WDFY1: variants seen among roughly 807,000 people sequenced by gnomAD.
WDFY1 encodes the protein WD repeat and FYVE domain containing 1.
Under a neutral mutation model 56.4 loss-of-function variants are expected in WDFY1, and 32 were observed. The ratio of observed to expected loss-of-function variants is 0.57; its 90% confidence interval spans 0.43 to 0.76. The LOEUF (loss-of-function observed/expected upper bound fraction) is 0.76, where lower values mean the gene tolerates loss of function less well. Ranked by LOEUF, WDFY1 falls within the 30% of genes least tolerant of loss-of-function variation. The pLI is 0.00. For missense variants in WDFY1, 480 were observed against 545.7 expected (o/e 0.88, Z 1.20); for synonymous variants, 192 against 197.3 (o/e 0.97, Z 0.23).
At position 223,877,168 on chromosome 2, in the gene WDFY1, AT is replaced by A. The variant is rs1282002311; in HGVS notation, c.*1502del. The stretch of plus-strand genomic sequence containing the variant: ...ACGTGTGTCACACAGCCATTAAGAC[AT>A]TTTAGTTTGATCGCCTCCTTAAACC... On this transcript the variant is annotated 3_prime_UTR_variant, in exon 12 of 12. Coordinates refer to ENST00000233055, the MANE Select transcript of WDFY1 (RefSeq NM_020830.5). The A allele has an allele frequency of 1.3e-5, 2 of 152,154 alleles. No homozygotes were observed. The highest frequency in any genetic ancestry group is 2.4e-5 in the African/African-American group (1 of 41,434). The allele number at this position is 152,154 out of a possible 1,614,324, so 9.4% of individuals were successfully genotyped here.
chr2:223,943,895 C>A (rs1689356533), intron 1 of WDFY1, among the ~76,000 whole-genome samples: 1 of 152,192 alleles, frequency 6.6e-6, no homozygotes, highest in East Asian at 1.9e-4. Context: ...AAACTGGACC[C>A]AATCAGTGTT....
chr2:223,935,310 G>A (rs975342831), intron 1 of WDFY1, among the ~76,000 whole-genome samples: 2 of 152,194 alleles, frequency 1.3e-5, no homozygotes, highest in South Asian at 2.1e-4. Context: ...GTGATCTGCT[G>A]TAGATTCACC....
intron 8 of WDFY1, among the ~76,000 whole-genome samples, chr2:223,890,598 A>G (rs1261009480): frequency 6.6e-6 from 1 of 152,160 alleles, no homozygotes; most frequent in Non-Finnish European, 1.5e-5. Context: ...ATCTAAGAAG[A>G]AGCTTTCGTT....
rs1253420144 is a variant in WDFY1 at position 223,944,975 on chromosome 2, G to C, written c.137+173C>G. 2.6e-5 allele frequency among the ~76,000 whole-genome samples: 4 copies of C among 152,152 alleles called. No homozygotes were observed. In the South Asian group the frequency reaches 8.3e-4, roughly 32 times the overall value. Reference sequence around the variant, plus strand: ...TGGAAAGGTGCAAGTCGAGGCTGGAGGACCGGCGGGAGGGAACCGGGAACC... The same window carrying C: ...TGGAAAGGTGCAAGTCGAGGCTGGACGACCGGCGGGAGGGAACCGGGAACC... On this transcript the variant is annotated intron_variant, in intron 1 of 11. Coordinates refer to ENST00000233055, the MANE Select transcript of WDFY1 (RefSeq NM_020830.5).
intron 4 of WDFY1, 141 bp downstream of exon 4, chr2:223,905,806 A>G: frequency 5.7e-6 from 3 of 525,370 alleles, no homozygotes; most frequent in Non-Finnish European, 9.3e-6. Flanking sequence ...AAATATCACT[A>G]AAAGACAAGT....
chr2:223,896,155 C>CAAAAAAAAAAAAAAA lies in WDFY1; in HGVS notation c.599-540_599-526dup, dbSNP rs71058956. Among the ~76,000 whole-genome samples the CAAAAAAAAAAAAAAA allele has an allele frequency of 2.8e-3, 110 of 39,828 alleles. 8 individuals are homozygous for CAAAAAAAAAAAAAAA. The highest frequency in any genetic ancestry group is 3.6e-3 in the African/African-American group (34 of 9,474). The allele number at this position is 39,828 out of a possible 152,430, so 26.1% of individuals were successfully genotyped here. A position where few individuals can be genotyped will look rare whatever the true frequency, so the allele number is the denominator to read the frequency against. On this transcript the variant is annotated intron_variant, in intron 6 of 11. Coordinates refer to ENST00000233055, the MANE Select transcript of WDFY1 (RefSeq NM_020830.5). ...TGGGTGACAGAGTGAGACTCTGTCTCAAAAAAAAAAAAAAAAAAAAAAAAA... is the reference window on the plus strand; with the variant it reads ...TGGGTGACAGAGTGAGACTCTGTCTCAAAAAAAAAAAAAAAAAAAAAAAAAAAAAAAAAAAAAAAA...
At chr2:223,931,922 G>C (rs1413852327) in intron 1 of WDFY1, among the ~76,000 whole-genome samples, 1 of 151,880 alleles carries the variant, frequency 6.6e-6, no homozygotes, top group Non-Finnish European at 1.5e-5. Flanking sequence ...CTGGCCTCAA[G>C]TGGTCCACCT....
chr2:223,882,087 G>A lies in WDFY1; in HGVS notation c.934-15C>T, dbSNP rs780389787. On this transcript the variant is annotated splice_polypyrimidine_tract_variant and intron_variant, in intron 9 of 11. Transcript: ENST00000233055. Reference sequence around the variant, plus strand: ...CTGCAGTGATGCTTCACAGGTGACCGGGAGGAGGAAAACAGGGTGTTAGCT... The same window carrying A: ...CTGCAGTGATGCTTCACAGGTGACCAGGAGGAGGAAAACAGGGTGTTAGCT... 4.3e-5 allele frequency: 70 copies of A among 1,610,094 alleles called. No individual in the cohort carries two copies. Among genetic ancestry groups the A allele is most frequent in the Non-Finnish European group, 5.3e-5 (62 of 1,177,800 alleles).
chr2:223,944,892 G>A (rs997762483), intron 1 of WDFY1, among the ~76,000 whole-genome samples: 4 of 151,338 alleles, frequency 2.6e-5, no homozygotes, highest in African/African-American at 9.7e-5. Context: ...GGGCTGGAGG[G>A]GCGCGGTGGG....
At chr2:223,889,571 T>C (rs1693232403) in intron 8 of WDFY1, among the ~76,000 whole-genome samples, 1 of 152,322 alleles carries the variant, frequency 6.6e-6, no homozygotes, top group Admixed American at 6.5e-5. Context: ...ACATGCCCTC[T>C]TGCCTTCCAT....
chr2:223,894,476 G>T lies in WDFY1; in HGVS notation c.726-137C>A, dbSNP rs193225121. The T allele has an allele frequency of 1.7e-4, 129 of 765,084 alleles. No homozygotes were observed. In the East Asian group the frequency reaches 3.5e-3, roughly 21 times the overall value. The allele number at this position is 765,084 out of a possible 1,614,324, so 47.4% of individuals were successfully genotyped here. A position where few individuals can be genotyped will look rare whatever the true frequency, so the allele number is the denominator to read the frequency against. ...CACTGACTATTTAGCATGGTAAAATGAATTCTAGTATAAACTTTACTTGGC... is the reference window on the plus strand; with the variant it reads ...CACTGACTATTTAGCATGGTAAAATTAATTCTAGTATAAACTTTACTTGGC... On this transcript the variant is annotated intron_variant, in intron 7 of 11. Transcript: ENST00000233055.
rs768831905 is a variant in WDFY1 at position 223,945,316 on chromosome 2, C to CA, written c.-33dup. 2.6e-6 allele frequency: 4 copies of CA among 1,547,808 alleles called. No individual in the cohort carries two copies. Among genetic ancestry groups the CA allele is most frequent in the Non-Finnish European group, 3.5e-6 (4 of 1,156,062 alleles). On this transcript the variant is annotated 5_prime_UTR_variant, in exon 1 of 12. Coordinates refer to ENST00000233055, the MANE Select transcript of WDFY1 (RefSeq NM_020830.5). ...GCGGCGACTGCTGCGGCCTCCTCGG[C>CA]AGGCAGCCCATCAGCTGACGCCTGG...
In WDFY1 at chr2:223,912,279, C is replaced by T. The variant is rs1279534625; in HGVS notation, c.253G>A (p.Val85Met). ...AYHHDSRRIF[V>M]GQDNGAVMEF... Reference sequence around the variant, plus strand: ...ATTACAGCTCCATTATCCTGGCCCACAAATATCCGTCTGCTGTCATGATGG... The same window carrying T: ...ATTACAGCTCCATTATCCTGGCCCATAAATATCCGTCTGCTGTCATGATGG... Residue 85 changes from valine (V) to methionine (M), a missense_variant, in exon 3 of 12, where the codon GTG becomes ATG. Coordinates refer to ENST00000233055, the MANE Select transcript of WDFY1 (RefSeq NM_020830.5). 1 of 1,611,078 alleles carries T rather than the reference C, an allele frequency of 6.2e-7. No homozygotes were observed. Among genetic ancestry groups the T allele is most frequent in the Non-Finnish European group, 8.5e-7 (1 of 1,179,166 alleles).
chr2:223,936,679 G>A lies in WDFY1; in HGVS notation c.137+8469C>T, dbSNP rs753767424. ...TCTGGGACCTTGTTTATCCAGAGGG[G>A]ACCTCACCATTCCCTAACTCCTAAG... is the stretch of plus-strand genomic sequence containing the variant. On this transcript the variant is annotated intron_variant, in intron 1 of 11. Transcript: ENST00000233055. 3.3e-5 allele frequency among the ~76,000 whole-genome samples: 5 copies of A among 152,132 alleles called. No homozygotes were observed. In the South Asian group the frequency reaches 1.0e-3, roughly 32 times the overall value.
In WDFY1 at chr2:223,880,161, CCCCTGG is replaced by C; in HGVS notation, c.1130_1135del (p.Ala377_Arg378del). 1 of 1,614,154 alleles carries C rather than the reference CCCCTGG, an allele frequency of 6.2e-7. No individual in the cohort carries two copies. Among genetic ancestry groups the C allele is most frequent in the Non-Finnish European group, 8.5e-7 (1 of 1,180,014 alleles). Reference sequence around the variant, plus strand: ...GTCGGTCCCACAGGTCACCATCAGTCCCCTGGCAATGTCCATGGACATGTGGGAAAT... The same window carrying C: ...GTCGGTCCCACAGGTCACCATCAGTCCAATGTCCATGGACATGTGGGAAAT... On this transcript the variant is annotated inframe_deletion, in exon 11 of 12. Coordinates refer to ENST00000233055, the MANE Select transcript of WDFY1 (RefSeq NM_020830.5).
intron 3 of WDFY1, among the ~76,000 whole-genome samples, chr2:223,907,911 G>A (rs1693626605): frequency 6.6e-6 from 1 of 151,144 alleles, no homozygotes; most frequent in Non-Finnish European, 1.5e-5. Context: ...CCAGGCTGGA[G>A]TGCAGTGGTG....
intron 10 of WDFY1, among the ~76,000 whole-genome samples, chr2:223,881,469 T>C (rs1441290136): frequency 6.6e-6 from 1 of 152,144 alleles, no homozygotes; most frequent in Non-Finnish European, 1.5e-5. Flanking sequence ...TCTTAAGTCA[T>C]AAAGCTAGGG....
intron 1 of WDFY1, among the ~76,000 whole-genome samples, chr2:223,929,523 C>T (rs1003153704): frequency 6.6e-6 from 1 of 152,160 alleles, no homozygotes; most frequent in Admixed American, 6.5e-5. Flanking sequence ...CAACACTGAA[C>T]TGTTGTGGCA....
At chr2:223,884,259 TA>T (rs1693132113) in intron 9 of WDFY1, among the ~76,000 whole-genome samples, 1 of 152,240 alleles carries the variant, frequency 6.6e-6, no homozygotes, top group South Asian at 2.1e-4. Flanking sequence ...AGGACTAAAT[TA>T]TTACTTTTTA....
Sources: allele counts gnomAD v4.1 joint callset (sites outside exome capture counted in the v4.1 genomes callset), GRCh38; gene constraint gnomAD v4.1.1; transcripts MANE v1.5; gene names NCBI Gene and HGNC (gene_info 2026-07-23, HGNC 2026-07-21).